The following GPR55 variants were observed in gnomAD, a reference collection of about 807,000 sequenced individuals.
GPR55 encodes G-protein coupled receptor 55.
In GPR55, 6 loss-of-function variants were observed where a neutral mutation model predicts 7.9. That is an observed-to-expected ratio of 0.76 (90% CI 0.41 to 1.49). GPR55 has a LOEUF of 1.49. Ranked by LOEUF, GPR55 falls within the 40% of genes most tolerant of loss-of-function variation. The probability of loss-of-function intolerance (pLI) is 0.01; values close to 1 mark genes in which losing one functional copy is unlikely to be tolerated. For missense variants in GPR55, 376 were observed against 406.0 expected, an observed-to-expected ratio of 0.93 and a Z score of 0.63; for synonymous variants, 183 against 166.8, an observed-to-expected ratio of 1.10 and a Z score of -0.75.
Position 230,955,777 on chromosome 2 carries a change from C to A in GPR55, c.-135+4998G>T, listed in dbSNP as rs147837323. 3.6e-3 allele frequency among the ~76,000 whole-genome samples: 537 copies of A among 150,756 alleles called. 3 individuals carry two copies. The highest frequency in any genetic ancestry group is 0.012 in the African/African-American group (508 of 41,068). Reference sequence around the variant, plus strand: ...ATTCCATTGCCCAGGCTGGAGTGTGCCTGCAGTGGTGTGATCACGGCTCAC... The same window carrying A: ...ATTCCATTGCCCAGGCTGGAGTGTGACTGCAGTGGTGTGATCACGGCTCAC... On this transcript the variant is annotated intron_variant, in intron 1 of 1. Coordinates refer to the GPR55 transcript ENST00000392039.
In GPR55 at chr2:230,910,510, G is replaced by A. The variant is rs375661190; in HGVS notation, c.453C>T (p.Thr151=). 1.5e-5 allele frequency: 24 copies of A among 1,614,140 alleles called. No individual in the cohort carries two copies. The highest frequency in any genetic ancestry group is 1.6e-4 in the Middle Eastern group (1 of 6,062). ...GGAAACTGTAGATAGGGATGCTTCC[G>A]GTCCACACCAGGACCCAGATGGTGC... ...ICCTIWVLVW[T]GSIPIYSFHG... is the part of the protein sequence containing the mutation. The change falls in exon 2 of 2, where the codon ACC becomes ACT. Residue 151 remains threonine, a synonymous_variant. Coordinates refer to ENST00000650999, the MANE Select transcript of GPR55 (RefSeq NM_005683.4). The surrounding 1 kb of genome is among the most constrained non-coding windows in gnomAD (Gnocchi z 5.4).
chr2:230,947,410 T>C (rs1032855087), intron 1 of GPR55, among the ~76,000 whole-genome samples: 4 of 152,128 alleles, frequency 2.6e-5, no homozygotes, highest in Admixed American at 6.5e-5. Context: ...CAAGGTATAA[T>C]TGGGACCCTG....
chr2:230,942,209 G>C (rs1463539041), intron 1 of GPR55, among the ~76,000 whole-genome samples: 1 of 152,172 alleles, frequency 6.6e-6, no homozygotes, highest in African/African-American at 2.4e-5. Flanking sequence ...CACACTCCAG[G>C]GCTGGGCAGA....
intron 1 of GPR55, among the ~76,000 whole-genome samples, chr2:230,942,193 C>A (rs1691243446): frequency 6.6e-6 from 1 of 152,240 alleles, no homozygotes; most frequent in Non-Finnish European, 1.5e-5. Flanking sequence ...GGGCCACCCC[C>A]ACACTCACAC....
In GPR55 at chr2:230,953,910, C is replaced by T. The variant is rs555965833; in HGVS notation, c.-135+6865G>A. On this transcript the variant is annotated intron_variant, in intron 1 of 1. Transcript: ENST00000392039. ...AGGCTGGCAGTCCCCTCCACCTCCC[C>T]GGTCTCCTGGAACCACCTTCCTGGT... Among the ~76,000 whole-genome samples the T allele has an allele frequency of 3.3e-5, 5 of 152,316 alleles. No individual in the cohort carries two copies. The South Asian group carries it at 6.2e-4, about 19-fold the overall frequency.
At chr2:230,959,303 C>T (rs1373011201) in intron 1 of GPR55, among the ~76,000 whole-genome samples, 1 of 151,956 alleles carries the variant, frequency 6.6e-6, no homozygotes, top group Non-Finnish European at 1.5e-5. Context: ...TAAAAATTAG[C>T]TGGGTGTAGT....
intron 1 of GPR55, among the ~76,000 whole-genome samples, chr2:230,932,864 G>A (rs1691070915): frequency 6.6e-6 from 1 of 151,544 alleles, no homozygotes; most frequent in African/African-American, 2.4e-5. Context: ...AGGCAGGACT[G>A]CTGCTCTCTC....
chr2:230,951,596 C>T (rs548732175), intron 1 of GPR55, among the ~76,000 whole-genome samples: 8 of 152,244 alleles, frequency 5.3e-5, no homozygotes, highest in African/African-American at 1.9e-4. Context: ...AAATAGCCTA[C>T]CCTTTGACCC....
intron 1 of GPR55, among the ~76,000 whole-genome samples, chr2:230,922,034 A>T (rs1440222806): frequency 6.6e-6 from 1 of 150,890 alleles, no homozygotes; most frequent in Non-Finnish European, 1.5e-5. Context: ...CAGCCTCGTC[A>T]TGTGGAGGGC....
chr2:230,955,023 G>C (rs948427126), intron 1 of GPR55, among the ~76,000 whole-genome samples: 3 of 152,164 alleles, frequency 2.0e-5, no homozygotes, highest in African/African-American at 7.2e-5. Flanking sequence ...ATCCCTTGAT[G>C]CAATTACAGT....
chr2:230,926,236 G>T (rs1200653939), upstream of GPR55, among the ~76,000 whole-genome samples: 1 of 152,178 alleles, frequency 6.6e-6, no homozygotes, highest in East Asian at 1.9e-4. Context: ...TCTGGAGCTG[G>T]GTCTTCCCAC....
chr2:230,954,234 C>G (rs1259126084), intron 1 of GPR55, among the ~76,000 whole-genome samples: 1 of 152,250 alleles, frequency 6.6e-6, no homozygotes, highest in African/African-American at 2.4e-5. Context: ...TGCCCCTTCC[C>G]CTGACACAGT....
intron 1 of GPR55, among the ~76,000 whole-genome samples, chr2:230,943,742 C>T (rs547633847): frequency 6.6e-6 from 1 of 152,148 alleles, no homozygotes; most frequent in Non-Finnish European, 1.5e-5. Flanking sequence ...CAGCGAGTTC[C>T]TTCTTGCGAG....
At position 230,935,656 on chromosome 2, in the gene GPR55, T is replaced by C. The variant is rs559329912; in HGVS notation, c.-134-24560A>G. On this transcript the variant is annotated intron_variant, in intron 1 of 1. Coordinates refer to the GPR55 transcript ENST00000392039. ...CTAAAGGAAATGCAGCCCTGGGCTCTGGGACTGGGCTGGGAGGAGAGGGGT... is the reference window on the plus strand; with the variant it reads ...CTAAAGGAAATGCAGCCCTGGGCTCCGGGACTGGGCTGGGAGGAGAGGGGT... 3.5e-4 allele frequency among the ~76,000 whole-genome samples: 53 copies of C among 152,282 alleles called. No homozygotes were observed. The South Asian group carries it at 7.7e-3, about 22-fold the overall frequency.
chr2:230,910,256 A>G lies in GPR55; in HGVS notation c.707T>C (p.Val236Ala). The change falls in exon 2 of 2, where the codon GTG becomes GCG. Residue 236 changes from valine (V) to alanine (A), a missense_variant. Coordinates refer to ENST00000650999, the MANE Select transcript of GPR55 (RefSeq NM_005683.4). This position sits in a 1 kb window ranked among gnomAD's most constrained non-coding sequence, Gnocchi z 5.4. ...YSIAASLAVF[V>A]VSFLPVHLGF... ...CAGGTGGACTGGGAGGAAGGAGACC[A>G]CGAAGACAGCCAGGCTGGCTGCGAT... The G allele has an allele frequency of 6.2e-7, 1 of 1,614,134 alleles. No homozygotes were observed. Among genetic ancestry groups the G allele is most frequent in the Non-Finnish European group, 8.5e-7 (1 of 1,180,014 alleles).
Position 230,910,188 on chromosome 2 carries a change from C to T in GPR55, c.775G>A (p.Glu259Lys). The change falls in exon 2 of 2, where the codon GAG (glutamate) becomes AAG (lysine). Residue 259 changes from glutamate (E) to lysine (K), a missense_variant. Physicochemically the swap from Glu to Lys is moderately conservative, Grantham distance 56 (BLOSUM62 1). Coordinates refer to ENST00000650999, the MANE Select transcript of GPR55 (RefSeq NM_005683.4). The surrounding 1 kb of genome is among the most constrained non-coding windows in gnomAD (Gnocchi z 5.4). ...QFLVRNSFIV[E>K]CRAKQSISFF... Reference sequence around the variant, plus strand: ...CTGATGCTCTGCTTGGCTCTGCACTCTACGATAAAGCTGTTTCTCACCAGG... The same window carrying T: ...CTGATGCTCTGCTTGGCTCTGCACTTTACGATAAAGCTGTTTCTCACCAGG... 1.9e-6 allele frequency: 3 copies of T among 1,614,198 alleles called. No homozygotes were observed. Among genetic ancestry groups the T allele is most frequent in the African/African-American group, 2.7e-5 (2 of 75,052 alleles).
intron 1 of GPR55, among the ~76,000 whole-genome samples, chr2:230,930,476 T>G (rs1380950784): frequency 1.3e-5 from 2 of 151,748 alleles, no homozygotes; most frequent in Admixed American, 1.3e-4. Context: ...TTTTTTTTTT[T>G]TAGACAGAGT....
At chr2:230,929,274 CT>C (rs1467397107), upstream of GPR55, among the ~76,000 whole-genome samples, 1 of 152,152 alleles carries the variant, frequency 6.6e-6, no homozygotes, top group Non-Finnish European at 1.5e-5. Context: ...ACCCTGCCCC[CT>C]AGGTGCTCAC....
At chr2:230,934,613 G>T (rs1310270301) in intron 1 of GPR55, among the ~76,000 whole-genome samples, 1 of 152,162 alleles carries the variant, frequency 6.6e-6, no homozygotes, top group South Asian at 2.1e-4. Flanking sequence ...CTGACTCCTG[G>T]TAACCTCTGG....
Sources: gnomAD v4.1 joint callset for allele counts (sites outside exome capture counted in the v4.1 genomes callset) on GRCh38, gnomAD v4.1.1 for gene constraint, Gnocchi (gnomAD v3.1) non-coding constraint, MANE v1.5 for transcripts, NCBI Gene and HGNC (gene_info 2026-07-23, HGNC 2026-07-21) for gene names.